Variants in SCN3A observed in about 807,000 individuals in gnomAD.
SCN3A encodes the protein sodium voltage-gated channel alpha subunit 3.
SCN3A carries 60 observed loss-of-function variants against 187.6 expected under a neutral mutation model. That is an observed-to-expected ratio of 0.32 (90% confidence interval 0.26 to 0.40). The LOEUF (loss-of-function observed/expected upper bound fraction) is 0.40. SCN3A is among the 10% of genes least tolerant of loss of function. SCN3A has a pLI of 1.00. For missense variants in SCN3A, 1,601 were observed against 2,428.2 expected (o/e 0.66, Z 7.16); for synonymous variants, 788 against 829.2 (o/e 0.95, Z 0.85).
intron 10 of SCN3A, 36 bp downstream of exon 10, chr2:165,155,725 TA>T: frequency 6.2e-7 from 1 of 1,612,454 alleles, no homozygotes; most frequent in South Asian, 1.1e-5. Flanking sequence ...TACATGTCTA[TA>T]AAAATAAATG....
intron 12 of SCN3A, among the ~76,000 whole-genome samples, chr2:165,143,476 C>G (rs539782759): frequency 9.2e-5 from 14 of 152,248 alleles, no homozygotes; most frequent in African/African-American, 3.4e-4. Context: ...TTTCTATTCA[C>G]TCTTTGGAAT....
chr2:165,090,023 A>T lies in SCN3A; in HGVS notation c.*127T>A. 1.5e-6 allele frequency: 2 copies of T among 1,347,014 alleles called. No homozygotes were observed. The highest frequency in any genetic ancestry group is 2.0e-6 in the Non-Finnish European group (2 of 988,180). The allele number at this position is 1,347,014 out of a possible 1,614,324, so 83.4% of individuals were successfully genotyped here. A position where few individuals can be genotyped will look rare whatever the true frequency, so the allele number is the denominator to read the frequency against. On this transcript the variant is annotated 3_prime_UTR_variant, in exon 28 of 28. Transcript: ENST00000283254. The surrounding 1 kb of genome is among the most constrained non-coding windows in gnomAD (Gnocchi z 4.0). ...GGTCACTTCACTGTCTTGTATAGGC[A>T]CTGACTATGAGTATTTGTTAAAACA...
intron 2 of SCN3A, among the ~76,000 whole-genome samples, chr2:165,183,226 A>G (rs1417943836): frequency 6.6e-6 from 1 of 152,162 alleles, no homozygotes; most frequent in Admixed American, 6.5e-5. Context: ...AATTAGTCCA[A>G]CTCTCTGCCT....
In SCN3A at chr2:165,162,254, C is replaced by CT. The variant is rs60156545; in HGVS notation, c.1031+53dup. On this transcript the variant is annotated intron_variant, in intron 9 of 27. Transcript: ENST00000283254. ...AACCATGTAGTTGTTTTCCTACCTA[C>CT]TTTTTTTTTTCGCAAAGAGTTCTAT... 210,967 of 1,307,822 alleles carry CT rather than the reference C, an allele frequency of 0.16. 12,229 individuals are homozygous for CT. Among genetic ancestry groups the CT allele is most frequent in the East Asian group, 0.44 (17,263 of 39,220 alleles). 81.0% of individuals were successfully genotyped at this position (1,307,822 alleles called of 1,614,324 possible). A position where few individuals can be genotyped will look rare whatever the true frequency, so the allele number is the denominator to read the frequency against.
intron 25 of SCN3A, 93 bp from the exon 26 acceptor site, chr2:165,094,571 T>A: frequency 1.2e-6 from 1 of 828,302 alleles, no homozygotes; most frequent in East Asian, 2.4e-5. Flanking sequence ...TTCTAATTTT[T>A]AAGTGGATAT....
At chr2:165,130,415 G>T in intron 16 of SCN3A, 119 bp from the exon 17 acceptor site, 2 of 1,003,784 alleles carry the variant, frequency 2.0e-6, no homozygotes, top group Non-Finnish European at 3.0e-6. Context: ...AAAATATACT[G>T]AACTGATTCA....
chr2:165,142,981 A>G (rs928500229), intron 12 of SCN3A, among the ~76,000 whole-genome samples: 2 of 151,946 alleles, frequency 1.3e-5, no homozygotes, highest in South Asian at 2.1e-4. Context: ...CGAACTCCCA[A>G]CCTCAGGTGA....
intron 5 of SCN3A, among the ~76,000 whole-genome samples, chr2:165,165,858 C>T (rs1430204870): frequency 6.6e-6 from 1 of 152,176 alleles, no homozygotes; most frequent in Non-Finnish European, 1.5e-5. Context: ...ACATTCCCTT[C>T]CTTTTCTCCC....
rs1391380186 is a variant in SCN3A, at chr2:165,140,296, T to A, written c.2019+355A>T. Among the ~76,000 whole-genome samples the A allele has an allele frequency of 6.6e-6, 1 of 152,180 alleles. No individual in the cohort carries two copies. The highest frequency in any genetic ancestry group is 2.4e-5 in the African/African-American group (1 of 41,444). ...TTTCCAGAATATGAATAGATAATTA[T>A]ACAATTCTTGGTGAATATACATCTT... On this transcript the variant is annotated intron_variant, in intron 13 of 27. Transcript: ENST00000283254. The surrounding 1 kb of genome is among the most constrained non-coding windows in gnomAD (Gnocchi z 4.2).
At chr2:165,184,790 C>A (rs1691124360) in intron 2 of SCN3A, among the ~76,000 whole-genome samples, 1 of 152,070 alleles carries the variant, frequency 6.6e-6, no homozygotes, top group Admixed American at 6.5e-5. Context: ...AATTAAAAAC[C>A]TAGGCTAGCT....
At chr2:165,112,656 A>G (rs1395983599) in intron 21 of SCN3A, among the ~76,000 whole-genome samples, 6 of 152,178 alleles carry the variant, frequency 3.9e-5, no homozygotes, top group African/African-American at 4.8e-5. Flanking sequence ...CTGTCTATCT[A>G]TGGTAAAGAA....
At chr2:165,178,010 C>T (rs1425258224) in intron 2 of SCN3A, among the ~76,000 whole-genome samples, 1 of 152,060 alleles carries the variant, frequency 6.6e-6, no homozygotes, top group Non-Finnish European at 1.5e-5. Context: ...GTATTCTAGG[C>T]TCCGTAGTAG....
intron 15 of SCN3A, among the ~76,000 whole-genome samples, chr2:165,136,881 G>C (rs898858857): frequency 6.6e-6 from 1 of 152,096 alleles, no homozygotes; most frequent in Non-Finnish European, 1.5e-5. Flanking sequence ...TCCCCCTTCT[G>C]TTGGCAATTG....
chr2:165,189,583 A>G (rs922860470), intron 1 of SCN3A, among the ~76,000 whole-genome samples: 1 of 152,224 alleles, frequency 6.6e-6, no homozygotes, highest in Admixed American at 6.5e-5. Context: ...GGAATCTTAG[A>G]CAAATTAAAT....
intron 17 of SCN3A, among the ~76,000 whole-genome samples, chr2:165,128,834 G>A (rs939779997): frequency 6.6e-6 from 1 of 151,842 alleles, no homozygotes; most frequent in Non-Finnish European, 1.5e-5. Flanking sequence ...AGTATGAGGC[G>A]ATTTTAACTT....
Position 165,103,048 on chromosome 2 carries a change from A to T in SCN3A, c.3844-2624T>A, listed in dbSNP as rs182367495. On this transcript the variant is annotated intron_variant, in intron 21 of 27. Transcript: ENST00000283254. ...TAAATATTTTTTTCTGGTTTGCATG[A>T]CTTAAGCTACAATGTCATTTTGTAT... is the stretch of plus-strand genomic sequence containing the variant. Among the ~76,000 whole-genome samples the T allele has an allele frequency of 2.2e-3, 330 of 152,358 alleles. 2 individuals are homozygous for T. Among genetic ancestry groups the T allele is most frequent in the African/African-American group, 7.5e-3 (312 of 41,580 alleles).
Position 165,146,595 on chromosome 2 carries a change from T to G in SCN3A, c.1671+144A>C, listed in dbSNP as rs1688352027. ...AAATCCCTTTGAAGACAATCTATTA[T>G]AAGAATTTAAACAACTATATTAAAT... On this transcript the variant is annotated intron_variant, in intron 12 of 27. Coordinates refer to ENST00000283254, the MANE Select transcript of SCN3A (RefSeq NM_006922.4). 9 of 798,024 alleles carry G rather than the reference T, an allele frequency of 1.1e-5. No homozygotes were observed. In the East Asian group the frequency reaches 2.4e-4, roughly 21 times the overall value. The allele number at this position is 798,024 out of a possible 1,614,324, so 49.4% of individuals were successfully genotyped here.
rs191869074 is a variant in SCN3A at position 165,162,470 on chromosome 2, G to A, written c.967+86C>T. The A allele has an allele frequency of 3.5e-4, 551 of 1,587,712 alleles. 4 individuals carry two copies. In the East Asian group the frequency reaches 0.01, roughly 30 times the overall value. On this transcript the variant is annotated intron_variant, in intron 8 of 27. Transcript: ENST00000283254. The stretch of plus-strand genomic sequence containing the variant: ...TTGGACTATTTCAGTTATTTACAAA[G>A]GTGGCTGTACACCCACAGTCTCAAC...
At chr2:165,158,043 G>A (rs911237223) in intron 9 of SCN3A, among the ~76,000 whole-genome samples, 1 of 152,030 alleles carries the variant, frequency 6.6e-6, no homozygotes, top group African/African-American at 2.4e-5. Flanking sequence ...TCTTTTTATT[G>A]GAAAATGGTA....
Sources: allele counts gnomAD v4.1 joint callset (sites outside exome capture counted in the v4.1 genomes callset), GRCh38; gene constraint gnomAD v4.1.1; non-coding constraint Gnocchi (gnomAD v3.1); transcripts MANE v1.5; gene names NCBI Gene and HGNC (gene_info 2026-07-23, HGNC 2026-07-21).